The following TLN1 variants were observed in gnomAD, a reference collection of about 807,000 sequenced individuals.
The protein encoded by TLN1 is talin-1.
A neutral mutation model predicts 292.3 loss-of-function variants in TLN1; 56 were observed. The observed-to-expected ratio is 0.19, with a 90% CI of 0.15 to 0.24. TLN1 has a LOEUF of 0.24. TLN1 is among the 10% of genes least tolerant of loss of function. The probability of loss-of-function intolerance (pLI) is 1.00; values close to 1 mark genes in which losing one functional copy is unlikely to be tolerated. For missense variants in TLN1, 2,433 were observed against 3,248.2 expected (o/e 0.75, Z 6.10); for synonymous variants, 1,119 against 1,253.7 (o/e 0.89, Z 2.27).
In TLN1 at chr9:35,699,472, A is replaced by T. The variant is rs1378817097; in HGVS notation, c.6769-11T>A. 1 of 1,609,156 alleles carries T rather than the reference A, an allele frequency of 6.2e-7. No homozygotes were observed. Among genetic ancestry groups the T allele is most frequent in the Non-Finnish European group, 8.5e-7 (1 of 1,177,460 alleles). On this transcript the variant is annotated splice_polypyrimidine_tract_variant and intron_variant, in intron 50 of 56. Transcript: ENST00000314888. The surrounding 1 kb of genome is among the most constrained non-coding windows in gnomAD (Gnocchi z 4.0). ...TGGCTTCTGCAGGGTCTGGGCAAGA[A>T]GCGGGCAGGGGACAAAGAGCATCAC... is the stretch of plus-strand genomic sequence containing the variant.
Position 35,699,336 on chromosome 9 carries a change from T to C in TLN1, c.6874+20A>G, listed in dbSNP as rs757836976. ...ATGATAAGGGTTTTCCATCCGTCCC[T>C]GTCCCTGGTCACCCCTCACCCTTCA... On this transcript the variant is annotated intron_variant, in intron 51 of 56. Transcript: ENST00000314888. The surrounding 1 kb of genome is among the most constrained non-coding windows in gnomAD (Gnocchi z 4.0). 4 of 1,602,852 alleles carry C rather than the reference T, an allele frequency of 2.5e-6. No individual in the cohort carries two copies. The South Asian group carries it at 3.4e-5, about 13-fold the overall frequency.
rs1450025514 is a variant in TLN1 at position 35,710,852 on chromosome 9, G to A, written c.4148C>T (p.Pro1383Leu). ...ACCAAAGTAGGACATGTCATTGATG[G>A]GCTGGACTGGGTTCTCCAGGAGTTC... The part of the protein sequence containing the change: ...VRELLENPVQ[P>L]INDMSYFGCL... The change falls in exon 32 of 57, where the codon CCC becomes CTC. Residue 1383 changes from proline (P) to leucine (L), a missense_variant. By Grantham distance (98) the Pro-to-Leu change is moderately conservative. Coordinates refer to ENST00000314888, the MANE Select transcript of TLN1 (RefSeq NM_006289.4). 1.2e-6 allele frequency: 2 copies of A among 1,614,220 alleles called. No individual in the cohort carries two copies. The highest frequency in any genetic ancestry group is 1.7e-6 in the Non-Finnish European group (2 of 1,180,036).
At position 35,699,868 on chromosome 9, in the gene TLN1, T is replaced by A. The variant is rs1587975295; in HGVS notation, c.6768+106A>T. On this transcript the variant is annotated intron_variant, in intron 50 of 56. Transcript: ENST00000314888. This position sits in a 1 kb window ranked among gnomAD's most constrained non-coding sequence, Gnocchi z 4.0. ...CAGATTTGGGAAGTAGAGGGTGGGGTAGGGAGGAGATCTGAGCAAAACAGA... is the reference window on the plus strand; with the variant it reads ...CAGATTTGGGAAGTAGAGGGTGGGGAAGGGAGGAGATCTGAGCAAAACAGA... 10 of 1,174,428 alleles carry A rather than the reference T, an allele frequency of 8.5e-6. No homozygotes were observed. The East Asian group carries it at 2.0e-4, about 24-fold the overall frequency. 72.8% of individuals were successfully genotyped at this position (1,174,428 alleles called of 1,614,324 possible). A position where few individuals can be genotyped will look rare whatever the true frequency, so the allele number is the denominator to read the frequency against.
chr9:35,725,510 G>T lies in TLN1; in HGVS notation c.130+55C>A, dbSNP rs1408147617. On this transcript the variant is annotated intron_variant, in intron 2 of 56. Transcript: ENST00000314888. ...GTCAACTCTCAAGGCCGAGAGCCTG[G>T]GAACAAGAAGGGACTGAAGACTCCC... The T allele has an allele frequency of 6.9e-6, 11 of 1,594,586 alleles. No homozygotes were observed. In the Admixed American group the frequency reaches 1.0e-4, roughly 15 times the overall value.
chr9:35,707,687 A>G lies in TLN1; in HGVS notation c.4632+44T>C. The G allele has an allele frequency of 6.2e-7, 1 of 1,613,166 alleles. No homozygotes were observed. Among genetic ancestry groups the G allele is most frequent in the South Asian group, 1.1e-5 (1 of 90,980 alleles). On this transcript the variant is annotated intron_variant, in intron 35 of 56. Transcript: ENST00000314888. The surrounding 1 kb of genome is among the most constrained non-coding windows in gnomAD (Gnocchi z 5.6). ...ATAACTGGGGGACTCGGGGGAGAAGATAGGACAGGTCAGGGAGAGGCTGGG... is the reference window on the plus strand; with the variant it reads ...ATAACTGGGGGACTCGGGGGAGAAGGTAGGACAGGTCAGGGAGAGGCTGGG...
At chr9:35,713,818 G>C in intron 25 of TLN1, 135 bp downstream of exon 25, 1 of 927,914 alleles carries the variant, frequency 1.1e-6, no homozygotes, top group South Asian at 2.5e-5. Context: ...GAAGGAAGAA[G>C]AAAGAAAAGA....
chr9:35,711,428 G>C (rs1825666265), intron 29 of TLN1, 34 bp from the exon 30 acceptor site: 1 of 1,613,604 alleles, frequency 6.2e-7, no homozygotes, highest in South Asian at 1.1e-5. Context: ...GCATTGTCCT[G>C]TCCTTTCTTA....
At position 35,703,355 on chromosome 9, in the gene TLN1, G is replaced by A. The variant is rs145211382; in HGVS notation, c.6474+205C>T. 3.8e-3 allele frequency among the ~76,000 whole-genome samples: 571 copies of A among 152,260 alleles called. 4 individuals carry two copies. Among genetic ancestry groups the A allele is most frequent in the African/African-American group, 0.013 (553 of 41,548 alleles). ...TGAAATGGAAAGGTCACCCACACCT[G>A]GGAGAAATGACAAGAGGAGAGGGCT... On this transcript the variant is annotated intron_variant, in intron 48 of 56. Transcript: ENST00000314888.
Position 35,699,630 on chromosome 9 carries a change from C to T in TLN1, c.6769-169G>A. 1 of 985,364 alleles carries T rather than the reference C, an allele frequency of 1.0e-6. No individual in the cohort carries two copies. The highest frequency in any genetic ancestry group is 1.2e-6 in the Non-Finnish European group (1 of 829,918). The allele number at this position is 985,364 out of a possible 1,614,324, so 61.0% of individuals were successfully genotyped here. A position where few individuals can be genotyped will look rare whatever the true frequency, so the allele number is the denominator to read the frequency against. ...AGTACACATCATGCATCACACCTCA[C>T]ACGTGATAGAGACAGTGGGGCTGTG... is the stretch of plus-strand genomic sequence containing the variant. On this transcript the variant is annotated intron_variant, in intron 50 of 56. Coordinates refer to ENST00000314888, the MANE Select transcript of TLN1 (RefSeq NM_006289.4). This position sits in a 1 kb window ranked among gnomAD's most constrained non-coding sequence, Gnocchi z 4.0.
rs1825857042 is a variant in TLN1 at position 35,720,217 on chromosome 9, G to A, written c.1286C>T (p.Ser429Leu). 1 of 1,585,910 alleles carries A rather than the reference G, an allele frequency of 6.3e-7. No homozygotes were observed. Among genetic ancestry groups the A allele is most frequent in the Non-Finnish European group, 8.6e-7 (1 of 1,167,290 alleles). The change falls in exon 13 of 57, where the codon TCA (serine) becomes TTA (leucine). Residue 429 changes from serine to leucine, a missense_variant and splice_region_variant. Ser to Leu is a moderately radical substitution (Grantham distance 145, BLOSUM62 -2). Around this residue, in one of 7 missense-constraint regions of TLN1, gnomAD observed 617 missense variants for 770.6 expected, o/e 0.80. Coordinates refer to ENST00000314888, the MANE Select transcript of TLN1 (RefSeq NM_006289.4). ...GTTGTATTGCTGCTGCAGGACTGTT[G>A]ACCTGTAGAGGGGTGAACTATTGAG... ...MLEDSVSPKK[S>L]TVLQQQYNRV...
At position 35,724,840 on chromosome 9, in the gene TLN1, A is replaced by G; in HGVS notation, c.348T>C (p.Cys116=). 6.2e-7 allele frequency: 1 copy of G among 1,614,206 alleles called. No homozygotes were observed. Among genetic ancestry groups the G allele is most frequent in the Non-Finnish European group, 8.5e-7 (1 of 1,180,038 alleles). The part of the protein sequence containing the change: ...KTVTDMLMTI[C]ARIGITNHDE... The stretch of plus-strand genomic sequence containing the variant: ...ACTAGGGCCCCTTACCAATGCGGGC[A>G]CAGATGGTCATGAGCATGTCAGTGA... The change falls in exon 4 of 57, where the codon TGT becomes TGC. Residue 116 remains cysteine (C), a synonymous_variant. Coordinates refer to ENST00000314888, the MANE Select transcript of TLN1 (RefSeq NM_006289.4). The surrounding 1 kb of genome is among the most constrained non-coding windows in gnomAD (Gnocchi z 4.7).
rs749312413 is a variant in TLN1 at position 35,698,759 on chromosome 9, C to T, written c.7125+49G>A. The T allele has an allele frequency of 1.9e-6, 3 of 1,613,630 alleles. No homozygotes were observed. Among genetic ancestry groups the T allele is most frequent in the Non-Finnish European group, 2.5e-6 (3 of 1,179,686 alleles). On this transcript the variant is annotated intron_variant, in intron 53 of 56. Coordinates refer to ENST00000314888, the MANE Select transcript of TLN1 (RefSeq NM_006289.4). This position sits in a 1 kb window ranked among gnomAD's most constrained non-coding sequence, Gnocchi z 5.3. ...CGCTGGCTATGGATGTGGATGTGGA[C>T]ATCAAAGTGCCAACCTGTCCCCATT...
In TLN1 at chr9:35,699,684, G is replaced by T; in HGVS notation, c.6769-223C>A. On this transcript the variant is annotated intron_variant, in intron 50 of 56. Transcript: ENST00000314888. This position sits in a 1 kb window ranked among gnomAD's most constrained non-coding sequence, Gnocchi z 4.0. ...CTCACCGGCTGACAAGGAGCAAGGA[G>T]AATGATGAGATGAAAGAGGAGACGA... 1.0e-6 allele frequency: 1 copy of T among 985,402 alleles called. No homozygotes were observed. The highest frequency in any genetic ancestry group is 1.2e-6 in the Non-Finnish European group (1 of 829,926). The allele number at this position is 985,402 out of a possible 1,614,324, so 61.0% of individuals were successfully genotyped here. A position where few individuals can be genotyped will look rare whatever the true frequency, so the allele number is the denominator to read the frequency against.
At chr9:35,725,108 G>T in intron 3 of TLN1, 116 bp downstream of exon 3, 2 of 1,530,562 alleles carry the variant, frequency 1.3e-6, no homozygotes, top group Non-Finnish European at 1.8e-6. Flanking sequence ...TCTGTTAATA[G>T]GAAGAAAGCA....
At chr9:35,721,501 C>G (rs1825878436) in intron 10 of TLN1, 147 bp downstream of exon 10, 3 of 802,866 alleles carry the variant, frequency 3.7e-6, no homozygotes, top group Non-Finnish European at 5.5e-6. Context: ...TCACACTCTC[C>G]CAGAGGAAGA....
rs1825932480 is a variant in TLN1, at chr9:35,724,439, C to G, written c.512-105G>C. ...TACCTCCCCTCACTTAAATGTAAGT[C>G]CCATGAGTGTAGGACTTTGTTTTCT... On this transcript the variant is annotated intron_variant, in intron 5 of 56. Transcript: ENST00000314888. The surrounding 1 kb of genome is among the most constrained non-coding windows in gnomAD (Gnocchi z 4.7). 6.4e-7 allele frequency: 1 copy of G among 1,571,158 alleles called. No individual in the cohort carries two copies. The highest frequency in any genetic ancestry group is 1.7e-5 in the Admixed American group (1 of 58,112).
intron 34 of TLN1, 152 bp downstream of exon 34, chr9:35,708,189 G>A: frequency 1.0e-6 from 1 of 986,114 alleles, no homozygotes; most frequent in Non-Finnish European, 1.4e-6. Context: ...GAGACCCATG[G>A]CAGAAAAAGA....
chr9:35,725,434 G>C (rs1825959478), intron 2 of TLN1, 113 bp from the exon 3 acceptor site: 1 of 1,530,574 alleles, frequency 6.5e-7, no homozygotes. Context: ...AAAGAACGAG[G>C]GAACCATGGA....
At chr9:35,720,403 G>A in intron 12 of TLN1, 30 bp downstream of exon 12, 1 of 1,611,354 alleles carries the variant, frequency 6.2e-7, no homozygotes. Flanking sequence ...CTACCCCTGG[G>A]AAATGGGATC....
Sources: gnomAD v4.1 joint callset for allele counts (sites outside exome capture counted in the v4.1 genomes callset) on GRCh38, gnomAD v4.1.1 for gene constraint, gnomAD v4.1.1 regional missense constraint, Gnocchi (gnomAD v3.1) non-coding constraint, MANE v1.5 for transcripts, NCBI Gene and HGNC (gene_info 2026-07-23, HGNC 2026-07-21) for gene names.